INPP5A: variants seen among roughly 807,000 people sequenced by gnomAD.
INPP5A encodes the protein inositol polyphosphate-5-phosphatase A.
INPP5A carries 14 observed loss-of-function variants against 65.2 expected under a neutral mutation model. The observed-to-expected ratio is 0.21, with a 90% CI of 0.14 to 0.34. The LOEUF is 0.34. Ranked by LOEUF, INPP5A falls within the 10% of genes least tolerant of loss-of-function variation. The pLI, the probability that INPP5A is intolerant of heterozygous loss-of-function variation, is 1.00. For missense variants in INPP5A, 431 were observed against 545.6 expected, an observed-to-expected ratio of 0.79 and a Z score of 2.09; for synonymous variants, 207 against 208.3, an observed-to-expected ratio of 0.99 and a Z score of 0.05.
At chr10:132,564,637 A>T (rs1331880798) in intron 1 of INPP5A, among the ~76,000 whole-genome samples, 1 of 152,192 alleles carries the variant, frequency 6.6e-6, no homozygotes, top group Non-Finnish European at 1.5e-5. Flanking sequence ...ACTGGATGAA[A>T]ATTTACTATT....
At chr10:132,615,561 A>T (rs2133353794) in intron 2 of INPP5A, among the ~76,000 whole-genome samples, 1 of 152,166 alleles carries the variant, frequency 6.6e-6, no homozygotes, top group Middle Eastern at 3.4e-3. Flanking sequence ...GCTTGGTTTG[A>T]CCGAAGGGGT....
At chr10:132,714,653 C>T (rs1436864637) in intron 8 of INPP5A, among the ~76,000 whole-genome samples, 1 of 152,130 alleles carries the variant, frequency 6.6e-6, no homozygotes, top group Non-Finnish European at 1.5e-5. Context: ...CAGGTTAAAA[C>T]CCAGAGGCAC....
At chr10:132,624,034 C>T (rs970392962) in intron 2 of INPP5A, among the ~76,000 whole-genome samples, 3 of 152,202 alleles carry the variant, frequency 2.0e-5, no homozygotes, top group East Asian at 3.8e-4. Flanking sequence ...TTGATGAAGA[C>T]GCAGGGCCAC....
In INPP5A at chr10:132,549,109, A is replaced by G. The variant is rs1235578827; in HGVS notation, c.75+10938A>G. Reference sequence around the variant, plus strand: ...CGCCTGGGCTTGTCTTCCCTGTTTCATGGCTGAGCAGTGTCCCCTGAGTGG... The same window carrying G: ...CGCCTGGGCTTGTCTTCCCTGTTTCGTGGCTGAGCAGTGTCCCCTGAGTGG... On this transcript the variant is annotated intron_variant, in intron 1 of 15. Transcript: ENST00000368594. This position sits in a 1 kb window ranked among gnomAD's most constrained non-coding sequence, Gnocchi z 4.9. Among the ~76,000 whole-genome samples, 1 of 152,054 alleles carries G rather than the reference A, an allele frequency of 6.6e-6. No homozygotes were observed. The highest frequency in any genetic ancestry group is 1.5e-5 in the Non-Finnish European group (1 of 68,022).
chr10:132,778,302 A>ATTTTTT (rs57172206), intron 13 of INPP5A, among the ~76,000 whole-genome samples: 6 of 72,960 alleles, frequency 8.2e-5, no homozygotes, highest in Non-Finnish European at 1.2e-4. Context: ...TTTAATAATA[A>ATTTTTT]TTTTTTTTTT....
Position 132,677,153 on chromosome 10 carries a change from T to G in INPP5A, c.307-13239T>G, listed in dbSNP as rs571833787. 1.1e-3 allele frequency among the ~76,000 whole-genome samples: 171 copies of G among 152,288 alleles called. 2 individuals carry two copies. The highest frequency in any genetic ancestry group is 4.0e-3 in the African/African-American group (166 of 41,554). On this transcript the variant is annotated intron_variant, in intron 4 of 15. Transcript: ENST00000368594. ...CTGTAGACCTAGGTTCAGTCACCTT[T>G]GATGCCTCCCTGAGGTGTCTGAAGC...
chr10:132,583,671 C>T (rs11146423), intron 1 of INPP5A, among the ~76,000 whole-genome samples: 2,858 of 152,290 alleles, frequency 0.019, 91 homozygotes, highest in African/African-American at 0.064. Flanking sequence ...TATGTGCTAA[C>T]GTGACCCCAC....
In INPP5A at chr10:132,698,179, G is replaced by A. The variant is rs187046955; in HGVS notation, c.474+260G>A. ...CTCATATCCAGGAGAAAGAACCTTC[G>A]CCAAAAGATGTAGGAAAATCATTCA... On this transcript the variant is annotated intron_variant, in intron 6 of 15. Transcript: ENST00000368594. The surrounding 1 kb of genome is among the most constrained non-coding windows in gnomAD (Gnocchi z 5.5). 8.5e-5 allele frequency among the ~76,000 whole-genome samples: 13 copies of A among 152,312 alleles called. No homozygotes were observed. Among genetic ancestry groups the A allele is most frequent in the South Asian group, 6.2e-4 (3 of 4,828 alleles).
At chr10:132,761,204 A>G (rs993077864) in intron 11 of INPP5A, among the ~76,000 whole-genome samples, 2 of 152,170 alleles carry the variant, frequency 1.3e-5, no homozygotes, top group Admixed American at 1.3e-4. Flanking sequence ...TGAGACTTCT[A>G]TGAACTTGCA....
chr10:132,555,597 A>C lies in INPP5A; in HGVS notation c.75+17426A>C, dbSNP rs1384132672. 6.6e-6 allele frequency among the ~76,000 whole-genome samples: 1 copy of C among 152,180 alleles called. No individual in the cohort carries two copies. The highest frequency in any genetic ancestry group is 1.9e-4 in the East Asian group (1 of 5,206). On this transcript the variant is annotated intron_variant, in intron 1 of 15. Transcript: ENST00000368594. This position sits in a 1 kb window ranked among gnomAD's most constrained non-coding sequence, Gnocchi z 4.4. Reference sequence around the variant, plus strand: ...TCGCCTCCTGAGAGCCGTGGGTCACAAACTCAAATGCACACACTTGGGGCT... The same window carrying C: ...TCGCCTCCTGAGAGCCGTGGGTCACCAACTCAAATGCACACACTTGGGGCT...
chr10:132,642,824 C>T (rs370736526), intron 2 of INPP5A, among the ~76,000 whole-genome samples: 4 of 152,186 alleles, frequency 2.6e-5, no homozygotes, highest in African/African-American at 7.2e-5. Flanking sequence ...AAAGACCTGC[C>T]GATGAAGCGC....
intron 1 of INPP5A, among the ~76,000 whole-genome samples, chr10:132,601,317 T>G (rs896026391): frequency 6.6e-6 from 1 of 152,274 alleles, no homozygotes; most frequent in African/African-American, 2.4e-5. Flanking sequence ...GAAAACTGTT[T>G]AAGTCCTCTT....
intron 2 of INPP5A, among the ~76,000 whole-genome samples, chr10:132,635,417 A>T (rs1316142407): frequency 9.1e-4 from 2 of 2,198 alleles, no homozygotes; most frequent in African/African-American, 1.9e-3. Context: ...TTTTTTTGAG[A>T]CGGAGTCTCG....
intron 1 of INPP5A, among the ~76,000 whole-genome samples, chr10:132,583,350 A>G (rs921431750): frequency 1.8e-4 from 28 of 152,340 alleles, no homozygotes; most frequent in African/African-American, 6.5e-4. Flanking sequence ...ATTTGCAGAT[A>G]GAGCCATGTG....
chr10:132,745,283 G>A (rs1278220283), intron 9 of INPP5A, among the ~76,000 whole-genome samples: 2 of 152,198 alleles, frequency 1.3e-5, no homozygotes, highest in African/African-American at 2.4e-5. Context: ...TGAGGGCTGG[G>A]GCTGTCCCTG....
At position 132,727,093 on chromosome 10, in the gene INPP5A, G is replaced by C. The variant is rs374675212; in HGVS notation, c.732+188G>C. 2 of 449,970 alleles carry C rather than the reference G, an allele frequency of 4.4e-6. No homozygotes were observed. Among genetic ancestry groups the C allele is most frequent in the African/African-American group, 2.0e-5 (1 of 50,186 alleles). 27.9% of individuals were successfully genotyped at this position (449,970 alleles called of 1,614,324 possible). ...GGCAGAGGGATCCGTGTTGGAATCC[G>C]GGGTGCGCGGGCCCTCAAGGTTGCC... is the stretch of plus-strand genomic sequence containing the variant. On this transcript the variant is annotated intron_variant, in intron 9 of 15. Transcript: ENST00000368594. The surrounding 1 kb of genome is among the most constrained non-coding windows in gnomAD (Gnocchi z 6.5).
chr10:132,548,792 CTTTTTTTTTTTT>C (rs71013535), intron 1 of INPP5A, among the ~76,000 whole-genome samples: 3 of 79,270 alleles, frequency 3.8e-5, no homozygotes, highest in Non-Finnish European at 2.4e-5. Context: ...GTTTATCTGG[CTTTTTTTTTTTT>C]TTTTTTTTTT....
chr10:132,740,205 G>C (rs778755862), intron 9 of INPP5A, among the ~76,000 whole-genome samples: 1 of 152,186 alleles, frequency 6.6e-6, no homozygotes, highest in Non-Finnish European at 1.5e-5. Context: ...AGAACTTAGC[G>C]TTTGAATTAT....
At position 132,690,432 on chromosome 10, in the gene INPP5A, A is replaced by T; in HGVS notation, c.347A>T (p.Asn116Ile). ...TATTTTCTTCATGAGTCCTTAAAAAACATCTACCAGTTTGACTTTAAAGGT... is the reference window on the plus strand; with the variant it reads ...TATTTTCTTCATGAGTCCTTAAAAATCATCTACCAGTTTGACTTTAAAGGT... ...SFYFLHESLK[N>I]IYQFDFKAKK... The change falls in exon 5 of 16, where the codon AAC becomes ATC. Residue 116 changes from asparagine to isoleucine, a missense_variant. Coordinates refer to ENST00000368594, the MANE Select transcript of INPP5A (RefSeq NM_005539.5). The T allele has an allele frequency of 1.2e-6, 2 of 1,613,030 alleles. No homozygotes were observed. Among genetic ancestry groups the T allele is most frequent in the Non-Finnish European group, 1.7e-6 (2 of 1,179,298 alleles).
Sources: gnomAD v4.1 joint callset for allele counts (sites outside exome capture counted in the v4.1 genomes callset) on GRCh38, gnomAD v4.1.1 for gene constraint, Gnocchi (gnomAD v3.1) non-coding constraint, MANE v1.5 for transcripts, NCBI Gene and HGNC (gene_info 2026-07-23, HGNC 2026-07-21) for gene names.